Variants in ERP27 observed in about 807,000 individuals in gnomAD.
ERP27 encodes endoplasmic reticulum resident protein 27.
ERP27 carries 23 observed loss-of-function variants against 27.7 expected under a neutral mutation model. The ratio of observed to expected loss-of-function variants is 0.83; its 90% confidence interval spans 0.60 to 1.18. The LOEUF is 1.18. ERP27 is among the 50% of genes most tolerant of loss of function. The pLI is 0.00. For synonymous variants in ERP27, 159 were observed against 118.3 expected, an observed-to-expected ratio of 1.34 and a Z score of -2.23; for missense variants, 363 against 327.9, an observed-to-expected ratio of 1.11 and a Z score of -0.83.
chr12:14,938,324 G>A (rs985593250), intron 1 of ERP27, 91 bp downstream of exon 1: 1 of 1,336,354 alleles, frequency 7.5e-7, no homozygotes, highest in Non-Finnish European at 1.1e-6. Context: ...TCTAGGTGTG[G>A]AGGAAAAGTA....
chr12:14,936,885 G>C (rs1411939496), intron 2 of ERP27, among the ~76,000 whole-genome samples: 1 of 152,006 alleles, frequency 6.6e-6, no homozygotes, highest in Non-Finnish European at 1.5e-5. Flanking sequence ...GTCTTTATTG[G>C]CAGCATGAGA....
In ERP27 at chr12:14,915,501, A is replaced by G. The variant is rs1863394110; in HGVS notation, c.762T>C (p.Ser254=). 2 of 1,613,998 alleles carry G rather than the reference A, an allele frequency of 1.2e-6. No individual in the cohort carries two copies. The highest frequency in any genetic ancestry group is 1.7e-6 in the Non-Finnish European group (2 of 1,179,864). The stretch of plus-strand genomic sequence containing the variant: ...GTCTCACACTTACCAACAATTTTCC[A>G]CTTAGGAATCCATCACAAAAGTTTT... ...HVQNFCDGFL[S]GKLLKENRES... Residue 254 remains serine (S), a synonymous_variant, in exon 6 of 7, where the codon AGT becomes AGC. Transcript: ENST00000266397.
intron 3 of ERP27, among the ~76,000 whole-genome samples, chr12:14,933,513 G>A (rs1863729203): frequency 6.6e-6 from 1 of 152,072 alleles, no homozygotes; most frequent in African/African-American, 2.4e-5. Context: ...AGATAGTAGT[G>A]TCTAGTTTAG....
Position 14,934,926 on chromosome 12 carries a change from C to A in ERP27, c.263G>T (p.Gly88Val), listed in dbSNP as rs1304936923. The change falls in exon 3 of 7, where the codon GGG becomes GTG. Residue 88 changes from glycine to valine, a missense_variant. By Grantham distance (109) the Gly-to-Val change is moderately radical. Coordinates refer to ENST00000266397, the MANE Select transcript of ERP27 (RefSeq NM_152321.4). ...MVQKFPGVSFGISTDSEVLTH... is the reference protein window; with the variant it reads ...MVQKFPGVSFVISTDSEVLTH... ...CAGAACCTCAGAATCAGTGCTGATCCCAAATGACACGCCTGGGAATTTTTG... is the reference window on the plus strand; with the variant it reads ...CAGAACCTCAGAATCAGTGCTGATCACAAATGACACGCCTGGGAATTTTTG... The A allele has an allele frequency of 6.2e-7, 1 of 1,614,104 alleles. No homozygotes were observed. Among genetic ancestry groups the A allele is most frequent in the South Asian group, 1.1e-5 (1 of 91,076 alleles).
At chr12:14,920,907 A>T (rs1268100723) in intron 4 of ERP27, 25 bp downstream of exon 4, 1 of 1,583,506 alleles carries the variant, frequency 6.3e-7, no homozygotes, top group African/African-American at 1.3e-5. Context: ...GTCTGAAGGG[A>T]CTAAGAACAG....
chr12:14,922,579 T>C (rs924325346), intron 3 of ERP27, among the ~76,000 whole-genome samples: 1 of 152,212 alleles, frequency 6.6e-6, no homozygotes, highest in African/African-American at 2.4e-5. Context: ...CCTTTAATGG[T>C]GACTGCACAT....
chr12:14,920,762 C>T (rs901883727), intron 4 of ERP27, among the ~76,000 whole-genome samples, 170 bp downstream of exon 4: 1 of 152,082 alleles, frequency 6.6e-6, no homozygotes, highest in Non-Finnish European at 1.5e-5. Flanking sequence ...TTTTGTCTAA[C>T]AGGAACAAGT....
chr12:14,929,263 G>T, intron 3 of ERP27: 1 of 618,560 alleles, frequency 1.6e-6, no homozygotes, highest in Non-Finnish European at 2.3e-6. Context: ...GGCAGAGGAT[G>T]TTAAGTGGTG....
At chr12:14,920,599 T>C (rs772081489) in intron 4 of ERP27, among the ~76,000 whole-genome samples, 6 of 152,212 alleles carry the variant, frequency 3.9e-5, no homozygotes, top group Admixed American at 6.5e-5. Flanking sequence ...CTCAAACTCC[T>C]GGACACGAGT....
Position 14,934,839 on chromosome 12 carries a change from C to T in ERP27, c.333+17G>A, listed in dbSNP as rs763228834. 1.2e-6 allele frequency: 2 copies of T among 1,613,626 alleles called. No homozygotes were observed. Among genetic ancestry groups the T allele is most frequent in the African/African-American group, 1.3e-5 (1 of 75,024 alleles). ...GTGAAAATCTGGGAGAAAGCTCAAG[C>T]TACCCACCCAACTTACCAGGCGAAA... On this transcript the variant is annotated intron_variant, in intron 3 of 6. Coordinates refer to ENST00000266397, the MANE Select transcript of ERP27 (RefSeq NM_152321.4).
intron 3 of ERP27, among the ~76,000 whole-genome samples, chr12:14,922,639 G>A (rs1180910574): frequency 1.3e-5 from 2 of 152,168 alleles, no homozygotes; most frequent in African/African-American, 4.8e-5. Context: ...TATCGCTAAT[G>A]TGTACTTTTT....
At chr12:14,929,567 A>G (rs1401949734) in intron 3 of ERP27, among the ~76,000 whole-genome samples, 1 of 152,220 alleles carries the variant, frequency 6.6e-6, no homozygotes, top group Non-Finnish European at 1.5e-5. Flanking sequence ...AATTTTACTT[A>G]AAATATCATA....
chr12:14,929,636 T>C (rs1480431792), intron 3 of ERP27, among the ~76,000 whole-genome samples: 1 of 152,194 alleles, frequency 6.6e-6, no homozygotes, highest in Non-Finnish European at 1.5e-5. Context: ...ACTGGAAATA[T>C]TGCTACCTTA....
In ERP27 at chr12:14,914,591, CACGCGT is replaced by C. The variant is rs1863377903; in HGVS notation, c.*138_*143del. 10 of 601,672 alleles carry C rather than the reference CACGCGT, an allele frequency of 1.7e-5. No individual in the cohort carries two copies. The highest frequency in any genetic ancestry group is 8.4e-5 in the East Asian group (3 of 35,560). The allele number at this position is 601,672 out of a possible 1,614,324, so 37.3% of individuals were successfully genotyped here. ...GTGTGTGTGTGTGCGTGTGTGTGTG[CACGCGT>C]GCGTGCGTGTGTGCACGTGCGTGTG... On this transcript the variant is annotated 3_prime_UTR_variant, in exon 7 of 7. Transcript: ENST00000266397.
In ERP27 at chr12:14,936,677, C is replaced by T. The variant is rs1036066803; in HGVS notation, c.195+1275G>A. ...GGGGCAGTTTCCCCCATGCTGTTCT[C>T]GTGATAGTGCATGAGTCACAAGATC... On this transcript the variant is annotated intron_variant, in intron 2 of 6. Coordinates refer to ENST00000266397, the MANE Select transcript of ERP27 (RefSeq NM_152321.4). Among the ~76,000 whole-genome samples, 5 of 152,058 alleles carry T rather than the reference C, an allele frequency of 3.3e-5. No individual in the cohort carries two copies. The South Asian group carries it at 6.2e-4, about 19-fold the overall frequency.
Position 14,914,591 on chromosome 12 carries a change from C to A in ERP27, c.*144G>T. On this transcript the variant is annotated 3_prime_UTR_variant, in exon 7 of 7. Coordinates refer to ENST00000266397, the MANE Select transcript of ERP27 (RefSeq NM_152321.4). ...GTGTGTGTGTGTGCGTGTGTGTGTGCACGCGTGCGTGCGTGTGTGCACGTG... is the reference window on the plus strand; with the variant it reads ...GTGTGTGTGTGTGCGTGTGTGTGTGAACGCGTGCGTGCGTGTGTGCACGTG... 1 of 601,676 alleles carries A rather than the reference C, an allele frequency of 1.7e-6. No homozygotes were observed. The highest frequency in any genetic ancestry group is 3.1e-5 in the Admixed American group (1 of 32,254). The allele number at this position is 601,676 out of a possible 1,614,324, so 37.3% of individuals were successfully genotyped here. A position where few individuals can be genotyped will look rare whatever the true frequency, so the allele number is the denominator to read the frequency against.
rs1055535615 is a variant in ERP27 at position 14,914,486 on chromosome 12, A to C, written c.*249T>G. The C allele has an allele frequency of 2.0e-6, 1 of 489,226 alleles. No individual in the cohort carries two copies. The highest frequency in any genetic ancestry group is 3.6e-6 in the Non-Finnish European group (1 of 277,502). 30.3% of individuals were successfully genotyped at this position (489,226 alleles called of 1,614,324 possible). A position where few individuals can be genotyped will look rare whatever the true frequency, so the allele number is the denominator to read the frequency against. ...GAATGCACGATAAGAAGGAAATTGG[A>C]TAGGGAGTGAGGATATGAAATTTAA... On this transcript the variant is annotated 3_prime_UTR_variant, in exon 7 of 7. Transcript: ENST00000266397.
chr12:14,923,073 C>CA (rs34941606), intron 3 of ERP27, among the ~76,000 whole-genome samples: 5,259 of 126,640 alleles, frequency 0.042, 222 homozygotes, highest in African/African-American at 0.11. Flanking sequence ...AACTCTGTCT[C>CA]AAAAAAAAAA....
At chr12:14,924,189 C>T (rs1342039327) in intron 3 of ERP27, among the ~76,000 whole-genome samples, 2 of 152,150 alleles carry the variant, frequency 1.3e-5, no homozygotes, top group Non-Finnish European at 2.9e-5. Context: ...TATCTGTGCT[C>T]CTACACATGA....
Sources: allele counts gnomAD v4.1 joint callset (sites outside exome capture counted in the v4.1 genomes callset), GRCh38; gene constraint gnomAD v4.1.1; transcripts MANE v1.5; gene names NCBI Gene and HGNC (gene_info 2026-07-23, HGNC 2026-07-21).